PCDH15: variants seen among roughly 807,000 people sequenced by gnomAD.
PCDH15 encodes the protein protocadherin related 15.
PCDH15 carries 129 observed loss-of-function variants against 178.5 expected under a neutral mutation model. The observed-to-expected ratio is 0.72, with a 90% CI of 0.63 to 0.84. The LOEUF (loss-of-function observed/expected upper bound fraction) is 0.84, where lower values mean the gene tolerates loss of function less well. Among genes scored for constraint, PCDH15 ranks in the 40% least tolerant of loss-of-function variants. The pLI is 0.00. For missense variants in PCDH15, 2,230 were observed against 2,099.9 expected (o/e 1.06, Z -1.21); for synonymous variants, 800 against 732.0 (o/e 1.09, Z -1.50).
At chr10:54,197,256 T>C (rs1438641358) in intron 10 of PCDH15, among the ~76,000 whole-genome samples, 1 of 152,022 alleles carries the variant, frequency 6.6e-6, no homozygotes, top group East Asian at 1.9e-4. Context: ...CACATTTTCA[T>C]ACAAAATCTC....
rs944439442 is a variant in PCDH15, at chr10:53,930,390, G to A, written c.3373+8425C>T. ...GGAGAATGGCATGAACCTGGGAGGC[G>A]GAGCTTGCAACGAGCTGAGACCGTG... On this transcript the variant is annotated intron_variant, in intron 25 of 37. Transcript: ENST00000644397. Among the ~76,000 whole-genome samples the A allele has an allele frequency of 5.9e-4, 88 of 148,184 alleles. 1 individual carries two copies. The highest frequency in any genetic ancestry group is 9.5e-4 in the Admixed American group (14 of 14,690).
rs145298394 is a variant in PCDH15, at chr10:55,022,152, C to T, written c.-79-124652G>A. ...GTAACTATAATTAATAATGATATAT[C>T]GTATTATTCAAAAATGTAGGCCGGG... On this transcript the variant is annotated intron_variant, in intron 2 of 5. Transcript: ENST00000458638. 2.7e-3 allele frequency among the ~76,000 whole-genome samples: 410 copies of T among 151,666 alleles called. 1 individual carries two copies. Among genetic ancestry groups the T allele is most frequent in the Middle Eastern group, 0.014 (4 of 294 alleles).
At chr10:53,846,051 A>C (rs79697091) in intron 28 of PCDH15, among the ~76,000 whole-genome samples, 15 of 100,410 alleles carry the variant, frequency 1.5e-4, no homozygotes, top group African/African-American at 3.1e-4. Context: ...CACACACACA[A>C]ACAAAAAAAG....
intron 3 of PCDH15, among the ~76,000 whole-genome samples, chr10:54,442,384 T>C (rs1159447368): frequency 1.2e-5 from 1 of 83,198 alleles, no homozygotes; most frequent in Non-Finnish European, 2.7e-5. Context: ...CAGTCTCCTT[T>C]TTTTTTAAAA....
intron 28 of PCDH15, among the ~76,000 whole-genome samples, chr10:53,850,381 A>G (rs1464507827): frequency 6.6e-6 from 1 of 152,084 alleles, no homozygotes; most frequent in Non-Finnish European, 1.5e-5. Context: ...TCTGTAAAGA[A>G]CTATGATTTC....
chr10:54,695,253 A>G (rs1013451579), intron 1 of PCDH15, among the ~76,000 whole-genome samples: 7 of 152,154 alleles, frequency 4.6e-5, no homozygotes, highest in Admixed American at 1.3e-4. Context: ...GGATATAGAG[A>G]AAGTGTTACT....
chr10:54,956,112 C>T (rs1275914617), intron 2 of PCDH15, among the ~76,000 whole-genome samples: 1 of 151,238 alleles, frequency 6.6e-6, no homozygotes, highest in Non-Finnish European at 1.5e-5. Flanking sequence ...CTGAGACCTG[C>T]TATTTTCATG....
At position 55,120,967 on chromosome 10, in the gene PCDH15, C is replaced by T. The variant is rs555589279; in HGVS notation, c.-80+45609G>A. 2.0e-5 allele frequency among the ~76,000 whole-genome samples: 3 copies of T among 152,250 alleles called. No homozygotes were observed. The South Asian group carries it at 6.2e-4, about 32-fold the overall frequency. Reference sequence around the variant, plus strand: ...AAGAACCATCACAGTGGTGGGGCTGCCCTTTCCAATGTTTAATAGAGCTGT... The same window carrying T: ...AAGAACCATCACAGTGGTGGGGCTGTCCTTTCCAATGTTTAATAGAGCTGT... On this transcript the variant is annotated intron_variant, in intron 2 of 5. Transcript: ENST00000458638.
At chr10:53,883,704 A>G (rs1159044406) in intron 26 of PCDH15, among the ~76,000 whole-genome samples, 1 of 152,166 alleles carries the variant, frequency 6.6e-6, no homozygotes, top group East Asian at 1.9e-4. Flanking sequence ...TCTAAATAAC[A>G]TTCACATTTA....
intron 2 of PCDH15, among the ~76,000 whole-genome samples, chr10:55,438,805 AAATGG>A (rs1565140054): frequency 2.0e-5 from 3 of 151,624 alleles, no homozygotes; most frequent in Non-Finnish European, 4.4e-5. Context: ...ATCCTTCCTG[AAATGG>A]GGTCAGGGAC....
At chr10:54,595,004 C>T (rs555013985) in intron 2 of PCDH15, among the ~76,000 whole-genome samples, 1 of 152,200 alleles carries the variant, frequency 6.6e-6, no homozygotes, top group Non-Finnish European at 1.5e-5. Flanking sequence ...TGTGCTAACA[C>T]CAGCACCAGT....
intron 2 of PCDH15, among the ~76,000 whole-genome samples, chr10:55,453,144 A>T (rs1291148355): frequency 6.6e-6 from 1 of 152,290 alleles, no homozygotes; most frequent in South Asian, 2.1e-4. Flanking sequence ...AAGCTGAGAC[A>T]TTATTCCCTA....
chr10:53,835,294 G>T (rs6481042), intron 29 of PCDH15, among the ~76,000 whole-genome samples: 60,594 of 151,950 alleles, frequency 0.4, 12,777 homozygotes, highest in East Asian at 0.76. Flanking sequence ...TTTCTCTTAC[G>T]ATTTGGACAT....
At chr10:54,945,364 T>TAG (rs1564652975) in intron 2 of PCDH15, among the ~76,000 whole-genome samples, 23 of 146,148 alleles carry the variant, frequency 1.6e-4, no homozygotes, top group East Asian at 1.0e-3. Context: ...TAGATAGATA[T>TAG]ATAGATAGAT....
At position 53,878,475 on chromosome 10, in the gene PCDH15, A is replaced by AGT. The variant is rs1304093603; in HGVS notation, c.3502-11620_3502-11619dup. On this transcript the variant is annotated intron_variant, in intron 26 of 37. Transcript: ENST00000644397. ...AAAATGTGTGTGTATGCCATAGTAT[A>AGT]GTATATATATAAATATATAATATAT... Among the ~76,000 whole-genome samples, 17 of 68,086 alleles carry AGT rather than the reference A, an allele frequency of 2.5e-4. No homozygotes were observed. In the East Asian group the frequency reaches 0.01, roughly 41 times the overall value. 44.7% of individuals were successfully genotyped at this position (68,086 alleles called of 152,430 possible).
chr10:55,262,704 G>A (rs1387560003), intron 1 of PCDH15, among the ~76,000 whole-genome samples: 1 of 152,134 alleles, frequency 6.6e-6, no homozygotes, highest in Admixed American at 6.5e-5. Context: ...CCAATCTGCT[G>A]AGAGCTACTT....
intron 15 of PCDH15, among the ~76,000 whole-genome samples, chr10:54,096,878 TA>T (rs1372183260): frequency 3.9e-5 from 6 of 152,242 alleles, no homozygotes; most frequent in Non-Finnish European, 1.5e-5. Context: ...AATATTGAAT[TA>T]CTCTTTCTCT....
chr10:55,005,921 TCA>T, intron 2 of PCDH15, among the ~76,000 whole-genome samples: 1 of 152,090 alleles, frequency 6.6e-6, no homozygotes, highest in African/African-American at 2.4e-5. Context: ...TCTGCATCAT[TCA>T]GAGTTGTCTG....
At chr10:54,897,293 T>C (rs1442701919) in intron 3 of PCDH15, among the ~76,000 whole-genome samples, 4 of 152,288 alleles carry the variant, frequency 2.6e-5, no homozygotes, top group African/African-American at 9.6e-5. Flanking sequence ...GAAAGAACAA[T>C]CACAACGTAA....
Sources: allele counts gnomAD v4.1 joint callset (sites outside exome capture counted in the v4.1 genomes callset), GRCh38; gene constraint gnomAD v4.1.1; transcripts MANE v1.5; gene names NCBI Gene and HGNC (gene_info 2026-07-23, HGNC 2026-07-21).